CNTN5: variants seen among roughly 807,000 people sequenced by gnomAD.
CNTN5 encodes the protein contactin-5.
A neutral mutation model predicts 129.1 loss-of-function variants in CNTN5; 77 were observed. The observed-to-expected ratio is 0.60, with a 90% CI of 0.50 to 0.72. The LOEUF (loss-of-function observed/expected upper bound fraction) is 0.72, where lower values mean the gene tolerates loss of function less well. Ranked by LOEUF, CNTN5 falls within the 30% of genes least tolerant of loss-of-function variation. CNTN5 has a pLI of 0.00. For synonymous variants in CNTN5, 509 were observed against 465.6 expected (o/e 1.09, Z -1.20); for missense variants, 1,478 against 1,328.8 (o/e 1.11, Z -1.75).
intron 2 of CNTN5, among the ~76,000 whole-genome samples, chr11:99,423,496 T>C (rs1942986871): frequency 1.3e-5 from 2 of 152,192 alleles, no homozygotes; most frequent in Non-Finnish European, 2.9e-5. Context: ...ACAGAAAAAG[T>C]ACTTACATTT....
intron 3 of CNTN5, among the ~76,000 whole-genome samples, chr11:99,664,084 T>C (rs1952696547): frequency 6.6e-6 from 1 of 152,164 alleles, no homozygotes. Context: ...GCTTAATTTG[T>C]AAGTTATAAA....
At chr11:100,342,100 T>A (rs1246991742) in intron 23 of CNTN5, among the ~76,000 whole-genome samples, 1 of 151,336 alleles carries the variant, frequency 6.6e-6, no homozygotes, top group East Asian at 1.9e-4. Flanking sequence ...TCCATTAATA[T>A]TATATTACAC....
intron 8 of CNTN5, among the ~76,000 whole-genome samples, chr11:99,983,010 T>C (rs756425352): frequency 1.3e-5 from 2 of 152,116 alleles, no homozygotes; most frequent in South Asian, 2.1e-4. Flanking sequence ...GGTAGCCAGA[T>C]AGAAGTTAAT....
At chr11:99,998,339 C>G (rs376662867) in intron 8 of CNTN5, among the ~76,000 whole-genome samples, 2,325 of 149,368 alleles carry the variant, frequency 0.016, 15 homozygotes, top group Admixed American at 0.051. Flanking sequence ...ACAAAAATCA[C>G]AAGCATTCTT....
intron 2 of CNTN5, among the ~76,000 whole-genome samples, chr11:99,386,580 A>C (rs975476781): frequency 7.2e-5 from 11 of 151,776 alleles, no homozygotes; most frequent in Non-Finnish European, 1.6e-4. Context: ...CTTTAATGCA[A>C]CCTGTTTTAT....
At chr11:99,642,144 A>G (rs1418734358) in intron 3 of CNTN5, among the ~76,000 whole-genome samples, 1 of 152,196 alleles carries the variant, frequency 6.6e-6, no homozygotes, top group Non-Finnish European at 1.5e-5. Context: ...GCCTCTGGTC[A>G]TGTTCCCTGC....
At chr11:99,559,380 T>C (rs1272639099) in intron 3 of CNTN5, among the ~76,000 whole-genome samples, 1 of 152,124 alleles carries the variant, frequency 6.6e-6, no homozygotes, top group African/African-American at 2.4e-5. Flanking sequence ...GGAAAAGAAC[T>C]CTTACCTAAC....
At chr11:100,246,017 G>A (rs959600343) in intron 16 of CNTN5, among the ~76,000 whole-genome samples, 3 of 151,988 alleles carry the variant, frequency 2.0e-5, no homozygotes, top group African/African-American at 4.8e-5. Flanking sequence ...CCAGATGGTA[G>A]AGATTATTGA....
At chr11:99,674,169 A>C (rs534952741) in intron 3 of CNTN5, among the ~76,000 whole-genome samples, 11 of 152,294 alleles carry the variant, frequency 7.2e-5, no homozygotes, top group African/African-American at 2.6e-4. Context: ...GTGAGATGGC[A>C]TCTCATTGTG....
rs1273388927 is a variant in CNTN5 at position 100,234,815 on chromosome 11, A to AG, written c.2005+10003_2005+10004insG. ...TTTAAAAAAAAAAAAAAAAAAAAAAAAAGAAGAAGAAGGACTTCTAAATAA... is the reference window on the plus strand; with the variant it reads ...TTTAAAAAAAAAAAAAAAAAAAAAAAGAAGAAGAAGAAGGACTTCTAAATAA... On this transcript the variant is annotated intron_variant, in intron 16 of 24. Coordinates refer to ENST00000524871, the MANE Select transcript of CNTN5 (RefSeq NM_014361.4). Among the ~76,000 whole-genome samples, 547 of 148,792 alleles carry AG rather than the reference A, an allele frequency of 3.7e-3. 3 individuals carry two copies. Among genetic ancestry groups the AG allele is most frequent in the African/African-American group, 0.013 (497 of 39,354 alleles).
rs1314646661 is a variant in CNTN5 at position 100,356,224 on chromosome 11, C to T, written c.*4C>T. The T allele has an allele frequency of 6.3e-7, 1 of 1,592,212 alleles. No homozygotes were observed. The highest frequency in any genetic ancestry group is 2.2e-5 in the East Asian group (1 of 44,468). ...GATTCCTTCAACTTCCTGGTGAAAA[C>T]TGCTGACTTAATTTGCTTTTGTTTG... is the stretch of plus-strand genomic sequence containing the variant. On this transcript the variant is annotated 3_prime_UTR_variant, in exon 25 of 25. Coordinates refer to ENST00000524871, the MANE Select transcript of CNTN5 (RefSeq NM_014361.4).
rs530488900 is a variant in CNTN5 at position 100,227,397 on chromosome 11, G to A, written c.2005+2585G>A. Among the ~76,000 whole-genome samples the A allele has an allele frequency of 9.2e-5, 14 of 152,228 alleles. No homozygotes were observed. In the South Asian group the frequency reaches 2.7e-3, roughly 29 times the overall value. The stretch of plus-strand genomic sequence containing the variant: ...TCATCATTGCCTATTTAGAATCTGA[G>A]TGTTTCTGAGTAGTAATGTTCCCTG... On this transcript the variant is annotated intron_variant, in intron 16 of 24. Coordinates refer to ENST00000524871, the MANE Select transcript of CNTN5 (RefSeq NM_014361.4).
chr11:99,350,295 A>C (rs921050099), intron 2 of CNTN5, among the ~76,000 whole-genome samples: 4 of 152,200 alleles, frequency 2.6e-5, no homozygotes, highest in Non-Finnish European at 4.4e-5. Flanking sequence ...AATTTTTTTA[A>C]AGAATGAAAA....
chr11:99,308,926 C>T (rs11820689), intron 1 of CNTN5, among the ~76,000 whole-genome samples: 6,711 of 152,068 alleles, frequency 0.044, 493 homozygotes, highest in African/African-American at 0.15. Flanking sequence ...TGCTTTTAAG[C>T]CCATCCAATG....
chr11:99,422,450 T>C (rs1367604168), intron 2 of CNTN5, among the ~76,000 whole-genome samples: 1 of 147,550 alleles, frequency 6.8e-6, no homozygotes, highest in Non-Finnish European at 1.5e-5. Context: ...ATAAAGAAAA[T>C]GTATGTCCTA....
At chr11:100,252,257 C>T (rs1379188226) in intron 16 of CNTN5, among the ~76,000 whole-genome samples, 1 of 151,946 alleles carries the variant, frequency 6.6e-6, no homozygotes, top group Non-Finnish European at 1.5e-5. Context: ...TTTTTAATAG[C>T]GTTGTTTGTC....
chr11:99,494,572 T>A (rs900316097), intron 2 of CNTN5, among the ~76,000 whole-genome samples: 4 of 152,130 alleles, frequency 2.6e-5, no homozygotes, highest in Non-Finnish European at 5.9e-5. Flanking sequence ...AAAAACACTG[T>A]AGGGAAAAAA....
At position 99,213,396 on chromosome 11, in the gene CNTN5, A is replaced by T. The variant is rs935255288; in HGVS notation, c.-209-111950A>T. ...TATGTATATACATATATACACGTGT[A>T]TATATACACATATATGTATATACAT... On this transcript the variant is annotated intron_variant, in intron 1 of 24. Transcript: ENST00000524871. Among the ~76,000 whole-genome samples the T allele has an allele frequency of 5.8e-5, 8 of 137,306 alleles. No homozygotes were observed. The South Asian group carries it at 1.5e-3, about 26-fold the overall frequency. 90.1% of individuals were successfully genotyped at this position (137,306 alleles called of 152,430 possible).
chr11:99,525,148 C>CT (rs36100461), intron 2 of CNTN5, among the ~76,000 whole-genome samples: 41,488 of 150,704 alleles, frequency 0.28, 6,103 homozygotes, highest in East Asian at 0.43. Context: ...TAAAGGGAGG[C>CT]TTTTTTTTTA....
Sources: gnomAD v4.1 joint callset for allele counts (sites outside exome capture counted in the v4.1 genomes callset) on GRCh38, gnomAD v4.1.1 for gene constraint, MANE v1.5 for transcripts, NCBI Gene and HGNC (gene_info 2026-07-23, HGNC 2026-07-21) for gene names.